Variants in CNTN5 observed in about 807,000 individuals in gnomAD.
The protein encoded by CNTN5 is contactin 5, also known as contactin-5.
In CNTN5, 77 loss-of-function variants were observed where a neutral mutation model predicts 129.1. The observed-to-expected ratio is 0.60, with a 90% CI of 0.50 to 0.72. The LOEUF is 0.72. Among genes scored for constraint, CNTN5 ranks in the 30% least tolerant of loss-of-function variants. The probability of loss-of-function intolerance (pLI) is 0.00; values close to 1 mark genes in which losing one functional copy is unlikely to be tolerated. For missense variants in CNTN5, 1,478 were observed against 1,328.8 expected, an observed-to-expected ratio of 1.11 and a Z score of -1.75; for synonymous variants, 509 against 465.6, an observed-to-expected ratio of 1.09 and a Z score of -1.20.
intron 1 of CNTN5, among the ~76,000 whole-genome samples, chr11:99,043,385 G>GT (rs1157857078): frequency 1.4e-5 from 2 of 146,794 alleles, no homozygotes; most frequent in African/African-American, 2.5e-5. Flanking sequence ...GTATACATAT[G>GT]TAACTAACCT....
intron 1 of CNTN5, among the ~76,000 whole-genome samples, chr11:99,038,016 T>G (rs965447589): frequency 2.0e-5 from 3 of 152,142 alleles, no homozygotes; most frequent in Non-Finnish European, 4.4e-5. Flanking sequence ...AGAGCATAAT[T>G]TAATTTAATT....
intron 6 of CNTN5, among the ~76,000 whole-genome samples, chr11:99,859,948 T>C (rs1948155906): frequency 6.6e-6 from 1 of 152,234 alleles, no homozygotes; most frequent in African/African-American, 2.4e-5. Flanking sequence ...TGAATGGATT[T>C]ACATTCCCAT....
intron 9 of CNTN5, among the ~76,000 whole-genome samples, chr11:100,036,758 G>C (rs200102294): frequency 0.13 from 18,485 of 147,500 alleles, 885 homozygotes; most frequent in Non-Finnish European, 0.13. Context: ...CTCATGATTT[G>C]GCTCTCTGTT....
At chr11:100,177,803 A>C (rs1453612636) in intron 13 of CNTN5, among the ~76,000 whole-genome samples, 3 of 152,048 alleles carry the variant, frequency 2.0e-5, no homozygotes, top group Non-Finnish European at 4.4e-5. Context: ...ATATTGTTGT[A>C]AGTCCTGTGG....
intron 3 of CNTN5, among the ~76,000 whole-genome samples, chr11:99,791,826 TG>T (rs1371524768): frequency 6.6e-6 from 1 of 152,148 alleles, no homozygotes; most frequent in Admixed American, 6.5e-5. Flanking sequence ...TTCACCTCCC[TG>T]GTTAGCTGTA....
At chr11:99,484,685 C>T (rs1215297406) in intron 2 of CNTN5, among the ~76,000 whole-genome samples, 9 of 151,116 alleles carry the variant, frequency 6.0e-5, no homozygotes, top group African/African-American at 2.2e-4. Flanking sequence ...GTGTATTACA[C>T]CATAGAATAC....
intron 3 of CNTN5, among the ~76,000 whole-genome samples, chr11:99,625,127 C>A (rs1951083137): frequency 6.6e-6 from 1 of 152,140 alleles, no homozygotes; most frequent in African/African-American, 2.4e-5. Context: ...AGTCACCCTG[C>A]AGGACAGGAA....
At chr11:99,598,620 G>A (rs1397732555) in intron 3 of CNTN5, among the ~76,000 whole-genome samples, 2 of 144,424 alleles carry the variant, frequency 1.4e-5, no homozygotes, top group Non-Finnish European at 3.1e-5. Flanking sequence ...TAAAAAGATA[G>A]CTTTTTTTTT....
At chr11:99,911,691 G>C (rs1591406663) in intron 6 of CNTN5, among the ~76,000 whole-genome samples, 1 of 151,214 alleles carries the variant, frequency 6.6e-6, no homozygotes, top group Admixed American at 6.6e-5. Context: ...GTTTGTGTGT[G>C]GGTACATATA....
chr11:99,933,485 TCTTCC>T (rs1482634834), intron 7 of CNTN5, among the ~76,000 whole-genome samples: 1 of 152,162 alleles, frequency 6.6e-6, no homozygotes. Flanking sequence ...TCCCCAGTGC[TCTTCC>T]CTTTCCAATC....
chr11:100,318,757 A>C (rs1280030414), intron 21 of CNTN5, among the ~76,000 whole-genome samples: 2 of 152,202 alleles, frequency 1.3e-5, no homozygotes, highest in Non-Finnish European at 2.9e-5. Flanking sequence ...GCACAGATAC[A>C]TACAGACATG....
intron 8 of CNTN5, among the ~76,000 whole-genome samples, chr11:99,975,466 A>G (rs1937885395): frequency 6.6e-6 from 1 of 152,158 alleles, no homozygotes; most frequent in Admixed American, 6.5e-5. Flanking sequence ...CGGCAGACCC[A>G]TTGTATTAGC....
intron 9 of CNTN5, among the ~76,000 whole-genome samples, chr11:100,044,143 T>G (rs1344257743): frequency 7.5e-6 from 1 of 132,622 alleles, no homozygotes; most frequent in Non-Finnish European, 1.6e-5. Flanking sequence ...TACATGTGTA[T>G]GTACACACAT....
At chr11:99,996,221 T>C (rs772984877) in intron 8 of CNTN5, among the ~76,000 whole-genome samples, 3 of 152,176 alleles carry the variant, frequency 2.0e-5, no homozygotes, top group Non-Finnish European at 4.4e-5. Flanking sequence ...GTGCCTTTTG[T>C]CTGTTTTTAT....
chr11:99,636,071 A>G (rs1326762429), intron 3 of CNTN5, among the ~76,000 whole-genome samples: 1 of 147,168 alleles, frequency 6.8e-6, no homozygotes, highest in East Asian at 2.0e-4. Flanking sequence ...GTAGAAAACT[A>G]TATAACTAGG....
intron 1 of CNTN5, among the ~76,000 whole-genome samples, chr11:99,294,670 T>G (rs2135929223): frequency 6.6e-6 from 1 of 152,292 alleles, no homozygotes; most frequent in Non-Finnish European, 1.5e-5. Context: ...GCTATATTTC[T>G]CCATTATCTG....
intron 3 of CNTN5, among the ~76,000 whole-genome samples, chr11:99,602,479 C>G (rs982462431): frequency 6.6e-6 from 1 of 152,018 alleles, no homozygotes. Context: ...GGTTCATTGA[C>G]AATTGTATTG....
chr11:99,726,476 A>G (rs1023715577), intron 3 of CNTN5, among the ~76,000 whole-genome samples: 10 of 152,202 alleles, frequency 6.6e-5, no homozygotes, highest in African/African-American at 2.2e-4. Context: ...AGCAAAACGA[A>G]ATAGAACAAT....
intron 1 of CNTN5, among the ~76,000 whole-genome samples, chr11:99,215,851 T>C (rs1335771356): frequency 6.6e-6 from 1 of 152,132 alleles, no homozygotes; most frequent in African/African-American, 2.4e-5. Context: ...GTGAGATGCT[T>C]AAGCATCTGC....
Sources: allele counts gnomAD v4.1 joint callset (sites outside exome capture counted in the v4.1 genomes callset), GRCh38; gene constraint gnomAD v4.1.1; transcripts MANE v1.5; gene names NCBI Gene and HGNC (gene_info 2026-07-23, HGNC 2026-07-21).